TAF4B: variants seen among roughly 807,000 people sequenced by gnomAD.
TAF4B encodes the protein transcription initiation factor TFIID subunit 4B.
In TAF4B, 38 loss-of-function variants were observed where a neutral mutation model predicts 86.4. The observed-to-expected ratio is 0.44, with a 90% CI of 0.34 to 0.58. The LOEUF is 0.58. TAF4B is among the 20% of genes least tolerant of loss of function. The probability of loss-of-function intolerance (pLI) is 0.02; values close to 1 mark genes in which losing one functional copy is unlikely to be tolerated. For missense variants in TAF4B, 988 were observed against 1,027.6 expected (o/e 0.96, Z 0.53); for synonymous variants, 388 against 391.2 (o/e 0.99, Z 0.10).
intron 1 of TAF4B, 109 bp downstream of exon 1, chr18:26,227,385 T>C (rs1245413954): frequency 6.4e-6 from 6 of 933,188 alleles, no homozygotes; most frequent in Non-Finnish European, 9.9e-6. Context: ...GAACATTTCA[T>C]AATCTTGACT....
At position 26,389,124 on chromosome 18, in the gene TAF4B, A is replaced by G. The variant is rs543862284; in HGVS notation, c.2422-721A>G. Reference sequence around the variant, plus strand: ...ACTGTGCCCAACCAGAGCTTACTTTAGGTCAAATTAGAAACTGAGTCACAG... The same window carrying G: ...ACTGTGCCCAACCAGAGCTTACTTTGGGTCAAATTAGAAACTGAGTCACAG... On this transcript the variant is annotated intron_variant, in intron 14 of 14. Coordinates refer to ENST00000269142, the MANE Select transcript of TAF4B (RefSeq NM_005640.3). 8.6e-5 allele frequency among the ~76,000 whole-genome samples: 13 copies of G among 151,990 alleles called. No individual in the cohort carries two copies. In the East Asian group the frequency reaches 2.5e-3, roughly 29 times the overall value.
intron 1 of TAF4B, among the ~76,000 whole-genome samples, chr18:26,249,321 A>C (rs1405666205): frequency 6.6e-6 from 1 of 152,206 alleles, no homozygotes; most frequent in Non-Finnish European, 1.5e-5. Flanking sequence ...TCTACTAAAA[A>C]TACACAAAAA....
intron 1 of TAF4B, among the ~76,000 whole-genome samples, chr18:26,249,315 C>A (rs2055969100): frequency 6.6e-6 from 1 of 152,104 alleles, no homozygotes; most frequent in Non-Finnish European, 1.5e-5. Flanking sequence ...TCGGTCTCTA[C>A]TAAAAATACA....
At chr18:26,329,499 A>G (rs900207731) in intron 12 of TAF4B, among the ~76,000 whole-genome samples, 1 of 152,202 alleles carries the variant, frequency 6.6e-6, no homozygotes, top group African/African-American at 2.4e-5. Flanking sequence ...TCTCTCTTTC[A>G]TGGTCCATTT....
intron 9 of TAF4B, among the ~76,000 whole-genome samples, chr18:26,301,880 C>T (rs114477432): frequency 2.2e-4 from 33 of 152,214 alleles, no homozygotes; most frequent in African/African-American, 7.9e-4. Flanking sequence ...CAGCTGCTGG[C>T]TCTGTGGTTT....
At chr18:26,351,853 C>G (rs1310562710) in intron 13 of TAF4B, among the ~76,000 whole-genome samples, 2 of 152,062 alleles carry the variant, frequency 1.3e-5, no homozygotes, top group East Asian at 3.9e-4. Context: ...GCGATTTTCA[C>G]TGTATGTATG....
At chr18:26,311,195 A>G (rs55820607) in intron 9 of TAF4B, among the ~76,000 whole-genome samples, 2,679 of 152,338 alleles carry the variant, frequency 0.018, 31 homozygotes, top group Non-Finnish European at 0.028. Context: ...AAGAACTACC[A>G]TAACAGAGAC....
At chr18:26,340,300 C>T (rs955489618) in intron 13 of TAF4B, among the ~76,000 whole-genome samples, 3 of 152,012 alleles carry the variant, frequency 2.0e-5, no homozygotes, top group Admixed American at 1.3e-4. Context: ...TATATGAAGT[C>T]AATGAAAGGT....
At chr18:26,364,697 A>C (rs957113652) in intron 14 of TAF4B, among the ~76,000 whole-genome samples, 57 of 150,510 alleles carry the variant, frequency 3.8e-4, no homozygotes, top group Non-Finnish European at 5.2e-4. Context: ...TGTCTAAAAA[A>C]TTATACAAAA....
chr18:26,346,759 G>GTGTATATA lies in TAF4B; in HGVS notation c.2317-10930_2317-10929insGTATATAT, dbSNP rs1202008455. Among the ~76,000 whole-genome samples the GTGTATATA allele has an allele frequency of 4.4e-3, 118 of 27,116 alleles. 11 individuals carry two copies. The highest frequency in any genetic ancestry group is 7.8e-3 in the East Asian group (4 of 510). The allele number at this position is 27,116 out of a possible 152,430, so 17.8% of individuals were successfully genotyped here. On this transcript the variant is annotated intron_variant, in intron 13 of 14. Coordinates refer to ENST00000269142, the MANE Select transcript of TAF4B (RefSeq NM_005640.3). The stretch of plus-strand genomic sequence containing the variant: ...CAAGAATATATATATATATATGTGT[G>GTGTATATA]TATATATATATATATGTGTGTGTAT...
At chr18:26,345,269 T>C (rs1160070847) in intron 13 of TAF4B, among the ~76,000 whole-genome samples, 1 of 152,150 alleles carries the variant, frequency 6.6e-6, no homozygotes, top group Non-Finnish European at 1.5e-5. Context: ...ATCTCGGGCC[T>C]GAGAGACCAA....
chr18:26,328,257 T>C (rs1391453312), intron 12 of TAF4B, among the ~76,000 whole-genome samples: 2 of 152,114 alleles, frequency 1.3e-5, no homozygotes, highest in African/African-American at 4.8e-5. Context: ...GAGACTATCC[T>C]GGCCAACATG....
At chr18:26,249,799 T>G (rs1161069807) in intron 1 of TAF4B, among the ~76,000 whole-genome samples, 4 of 152,142 alleles carry the variant, frequency 2.6e-5, no homozygotes, top group African/African-American at 7.2e-5. Context: ...CTCAGTTCAT[T>G]ATAATCTCCA....
intron 12 of TAF4B, among the ~76,000 whole-genome samples, chr18:26,331,591 A>G (rs564384662): frequency 1.3e-5 from 2 of 152,254 alleles, no homozygotes; most frequent in South Asian, 2.1e-4. Context: ...TCTTGACTCA[A>G]TAAATTACAC....
At chr18:26,296,022 G>GT (rs2056658351) in intron 9 of TAF4B, among the ~76,000 whole-genome samples, 1 of 151,562 alleles carries the variant, frequency 6.6e-6, no homozygotes, top group Admixed American at 6.6e-5. Flanking sequence ...TTCAGGGAGT[G>GT]TAATAGTATG....
chr18:26,352,411 C>G (rs1473903075), intron 13 of TAF4B, among the ~76,000 whole-genome samples: 1 of 151,634 alleles, frequency 6.6e-6, no homozygotes, highest in East Asian at 1.9e-4. Flanking sequence ...CAATATAGAT[C>G]CAAAGCAAGC....
At chr18:26,331,474 C>A (rs564685107) in intron 12 of TAF4B, among the ~76,000 whole-genome samples, 10 of 152,192 alleles carry the variant, frequency 6.6e-5, no homozygotes, top group Admixed American at 1.3e-4. Context: ...CCATTAACTC[C>A]CTACTTGACA....
At chr18:26,278,875 T>C (rs1295387760) in intron 5 of TAF4B, among the ~76,000 whole-genome samples, 1 of 152,150 alleles carries the variant, frequency 6.6e-6, no homozygotes, top group Non-Finnish European at 1.5e-5. Context: ...ACTGCTGTTA[T>C]GGATTTACAA....
chr18:26,360,546 C>T (rs1244868216), intron 14 of TAF4B, among the ~76,000 whole-genome samples: 2 of 152,012 alleles, frequency 1.3e-5, no homozygotes, highest in African/African-American at 4.8e-5. Flanking sequence ...TTAGAAGGCC[C>T]TTTCTTAATT....
Sources: allele counts gnomAD v4.1 joint callset (sites outside exome capture counted in the v4.1 genomes callset), GRCh38; gene constraint gnomAD v4.1.1; transcripts MANE v1.5; gene names NCBI Gene and HGNC (gene_info 2026-07-23, HGNC 2026-07-21).